Variants in RAB38 observed in about 807,000 individuals in gnomAD.
RAB38 encodes the protein ras-related protein Rab-38.
RAB38 carries 15 observed loss-of-function variants against 18.4 expected under a neutral mutation model. That is an observed-to-expected ratio of 0.82 (90% CI 0.55 to 1.26). The LOEUF is 1.26. RAB38 is among the 50% of genes most tolerant of loss of function. The pLI, the probability that RAB38 is intolerant of heterozygous loss-of-function variation, is 0.00. For missense variants in RAB38, 294 were observed against 267.4 expected (o/e 1.10, Z -0.69); for synonymous variants, 101 against 104.4 (o/e 0.97, Z 0.20).
the RAB38 span, among the ~76,000 whole-genome samples, chr11:87,871,522 T>A: frequency 6.6e-6 from 1 of 151,746 alleles, no homozygotes; most frequent in African/African-American, 2.4e-5. Flanking sequence ...GTTAAAAGCA[T>A]AAATTAGTCC....
intron 1 of RAB38, among the ~76,000 whole-genome samples, chr11:88,163,090 T>C (rs958539380): frequency 1.3e-5 from 2 of 152,124 alleles, no homozygotes; most frequent in Non-Finnish European, 2.9e-5. Flanking sequence ...GATCAGGCCC[T>C]GCCTTGTACT....
chr11:87,832,914 G>A, the RAB38 span, among the ~76,000 whole-genome samples: 3 of 151,984 alleles, frequency 2.0e-5, no homozygotes, highest in Non-Finnish European at 4.4e-5. Context: ...GGGGACGGAG[G>A]ACATTATTCA....
At chr11:88,057,311 G>C in the RAB38 span, among the ~76,000 whole-genome samples, 1 of 152,106 alleles carries the variant, frequency 6.6e-6, no homozygotes, top group African/African-American at 2.4e-5. Flanking sequence ...TCATTTGAAG[G>C]CCTCATTAGA....
chr11:88,052,459 T>G, the RAB38 span, among the ~76,000 whole-genome samples: 47 of 152,232 alleles, frequency 3.1e-4, no homozygotes, highest in African/African-American at 1.0e-3. Context: ...TTGAATCATA[T>G]AAAAACCACT....
chr11:88,073,382 C>A, the RAB38 span, among the ~76,000 whole-genome samples: 2 of 152,048 alleles, frequency 1.3e-5, no homozygotes, highest in Non-Finnish European at 2.9e-5. Context: ...CCCTTTGGAA[C>A]CCCCCTCTTT....
At chr11:87,835,587 G>A in the RAB38 span, among the ~76,000 whole-genome samples, 2 of 152,046 alleles carry the variant, frequency 1.3e-5, no homozygotes, top group Admixed American at 6.6e-5. Context: ...AAAGTTGTTA[G>A]GGTTGGTCTT....
the RAB38 span, among the ~76,000 whole-genome samples, chr11:87,839,989 C>T: frequency 6.6e-6 from 1 of 152,274 alleles, no homozygotes; most frequent in East Asian, 1.9e-4. Flanking sequence ...AAGAACAAGA[C>T]TAGATCTCAT....
chr11:87,974,073 CAAAAT>C, the RAB38 span, among the ~76,000 whole-genome samples: 3 of 151,584 alleles, frequency 2.0e-5, no homozygotes, highest in African/African-American at 7.3e-5. Flanking sequence ...AACAATTGTC[CAAAAT>C]AAAATAAAAA....
chr11:88,111,596 C>T (rs1799862474), downstream of RAB38, among the ~76,000 whole-genome samples: 1 of 152,186 alleles, frequency 6.6e-6, no homozygotes, highest in Non-Finnish European at 1.5e-5. Context: ...TTATTTCCAT[C>T]TTTTGGTCCT....
the RAB38 span, among the ~76,000 whole-genome samples, chr11:87,976,120 A>G: frequency 0.093 from 13,808 of 148,270 alleles, 868 homozygotes; most frequent in South Asian, 0.18. Context: ...GTGCGTGTAA[A>G]TATATATATG....
chr11:88,004,050 G>A, the RAB38 span, among the ~76,000 whole-genome samples: 3 of 139,204 alleles, frequency 2.2e-5, no homozygotes, highest in South Asian at 2.2e-4. Context: ...TATGGGAGAA[G>A]GTATATATAT....
chr11:88,175,123 C>CG, intron 1 of RAB38, 60 bp downstream of exon 1: 1 of 1,480,604 alleles, frequency 6.8e-7, no homozygotes, highest in South Asian at 1.3e-5. Context: ...GCCGCTGCCT[C>CG]GAGACTGGAA....
the RAB38 span, among the ~76,000 whole-genome samples, chr11:87,896,659 G>T: frequency 6.6e-6 from 1 of 151,594 alleles, no homozygotes; most frequent in African/African-American, 2.4e-5. Context: ...TTTCCAGGCA[G>T]AGGAAAACAG....
chr11:88,052,337 G>A, the RAB38 span, among the ~76,000 whole-genome samples: 69 of 152,202 alleles, frequency 4.5e-4, no homozygotes, highest in Middle Eastern at 3.4e-3. Flanking sequence ...TATGCTGTCC[G>A]TCCCAAAAAG....
the RAB38 span, among the ~76,000 whole-genome samples, chr11:87,804,417 G>C: frequency 2.0e-4 from 30 of 152,218 alleles, no homozygotes; most frequent in South Asian, 5.8e-3. Context: ...GAGGTATCTT[G>C]TTTTCACCAT....
intron 1 of RAB38, among the ~76,000 whole-genome samples, chr11:88,174,397 C>T (rs926234473): frequency 6.6e-6 from 1 of 151,986 alleles, no homozygotes; most frequent in African/African-American, 2.4e-5. Context: ...AAACAAACAA[C>T]CTCTCATTTT....
the RAB38 span, among the ~76,000 whole-genome samples, chr11:87,850,158 T>C: frequency 6.6e-6 from 1 of 152,200 alleles, no homozygotes; most frequent in Non-Finnish European, 1.5e-5. Flanking sequence ...TTGTTTTGTC[T>C]GTAGAGGTAC....
the RAB38 span, among the ~76,000 whole-genome samples, chr11:88,053,957 C>A: frequency 6.6e-6 from 1 of 152,028 alleles, no homozygotes; most frequent in African/African-American, 2.4e-5. Flanking sequence ...AATTTTGAAA[C>A]CAGATAGAAT....
the RAB38 span, among the ~76,000 whole-genome samples, chr11:87,956,863 TGG>T: frequency 2.0e-5 from 3 of 152,096 alleles, no homozygotes; most frequent in African/African-American, 7.2e-5. Context: ...AGGGCCTTTC[TGG>T]GTTCCCTCCC....
Sources: gnomAD v4.1 joint callset for allele counts (sites outside exome capture counted in the v4.1 genomes callset) on GRCh38, gnomAD v4.1.1 for gene constraint, MANE v1.5 for transcripts, NCBI Gene and HGNC (gene_info 2026-07-23, HGNC 2026-07-21) for gene names.